LIMA1: variants seen among roughly 807,000 people sequenced by gnomAD.
LIMA1 encodes LIM domain and actin binding 1, also known as LIM domain and actin-binding protein 1.
LIMA1 carries 52 observed loss-of-function variants against 62.6 expected under a neutral mutation model. The ratio of observed to expected loss-of-function variants is 0.83; its 90% CI spans 0.67 to 1.05. The LOEUF is 1.05. Among genes scored for constraint, LIMA1 ranks in the 50% least tolerant of loss-of-function variants. LIMA1 has a pLI of 0.00. For missense variants in LIMA1, 780 were observed against 902.2 expected (o/e 0.86, Z 1.74); for synonymous variants, 302 against 317.8 (o/e 0.95, Z 0.53).
chr12:50,183,077 G>C (rs1294983897), intron 9 of LIMA1, among the ~76,000 whole-genome samples: 1 of 152,162 alleles, frequency 6.6e-6, no homozygotes, highest in Admixed American at 6.5e-5. Flanking sequence ...TGGTACACTC[G>C]TGTAATCCCA....
intron 6 of LIMA1, chr12:50,201,374 T>C (rs1304193551): frequency 1.6e-5 from 16 of 983,890 alleles, no homozygotes; most frequent in Non-Finnish European, 1.8e-5. Context: ...TGAAATTATA[T>C]TTAATGATAC....
chr12:50,263,874 T>G (rs1942106485), intron 1 of LIMA1, among the ~76,000 whole-genome samples: 1 of 127,696 alleles, frequency 7.8e-6, no homozygotes, highest in Non-Finnish European at 1.6e-5. Flanking sequence ...TATATATATA[T>G]ATAAAGTATA....
intron 2 of LIMA1, among the ~76,000 whole-genome samples, chr12:50,238,173 G>A (rs1037015514): frequency 1.3e-5 from 2 of 151,802 alleles, no homozygotes; most frequent in Non-Finnish European, 2.9e-5. Context: ...CAAAAGCACA[G>A]GCACAAAAGA....
intron 1 of LIMA1, among the ~76,000 whole-genome samples, chr12:50,268,811 G>A (rs549620931): frequency 6.6e-6 from 1 of 152,086 alleles, no homozygotes; most frequent in Non-Finnish European, 1.5e-5. Context: ...ACTTGCTCAA[G>A]GTCACAGAGC....
intron 10 of LIMA1, among the ~76,000 whole-genome samples, chr12:50,178,970 T>A (rs199984708): frequency 1.4e-3 from 214 of 148,080 alleles, no homozygotes; most frequent in African/African-American, 5.0e-3. Flanking sequence ...ATATATATTT[T>A]TTTTTTCTTT....
chr12:50,176,652 C>G lies in LIMA1; in HGVS notation c.*412G>C, dbSNP rs1443968182. The G allele has an allele frequency of 6.3e-6, 1 of 157,828 alleles. No homozygotes were observed. Among genetic ancestry groups the G allele is most frequent in the Non-Finnish European group, 1.4e-5 (1 of 71,780 alleles). 9.8% of individuals were successfully genotyped at this position (157,828 alleles called of 1,614,324 possible). On this transcript the variant is annotated 3_prime_UTR_variant, in exon 11 of 11. Transcript: ENST00000341247. ...TGTGCCCTTTATACTAAAGTGCATT[C>G]AGTCGTAATGTTTAAGCCCCTAAAT... is the stretch of plus-strand genomic sequence containing the variant.
Position 50,271,806 on chromosome 12 carries a change from T to C in LIMA1, c.-24+11614A>G, listed in dbSNP as rs144524706. Among the ~76,000 whole-genome samples the C allele has an allele frequency of 2.4e-4, 37 of 152,324 alleles. No homozygotes were observed. The East Asian group carries it at 6.6e-3, about 27-fold the overall frequency. On this transcript the variant is annotated intron_variant, in intron 1 of 10. Transcript: ENST00000341247. ...GTAGGGGCTCAATAAATATCTGTTA[T>C]ATGAATGAAAAACAGTGTTACACTA...
At chr12:50,233,001 A>T (rs1376384780) in intron 2 of LIMA1, among the ~76,000 whole-genome samples, 1 of 152,178 alleles carries the variant, frequency 6.6e-6, no homozygotes, top group East Asian at 1.9e-4. Flanking sequence ...AACCCAAAAA[A>T]ACAGTCTGCA....
chr12:50,182,081 T>G, intron 9 of LIMA1, 44 bp from the exon 10 acceptor site: 1 of 1,610,146 alleles, frequency 6.2e-7, no homozygotes, highest in Non-Finnish European at 8.5e-7. Context: ...CAGCGATGAG[T>G]TAGCACTGTC....
At chr12:50,276,085 T>TA (rs1942272928) in intron 1 of LIMA1, among the ~76,000 whole-genome samples, 2 of 152,116 alleles carry the variant, frequency 1.3e-5, no homozygotes, top group East Asian at 1.9e-4. Flanking sequence ...TTTTTTTTTT[T>TA]ATGACAACTC....
intron 10 of LIMA1, among the ~76,000 whole-genome samples, chr12:50,180,163 T>G (rs1344860568): frequency 6.6e-6 from 1 of 151,958 alleles, no homozygotes; most frequent in Non-Finnish European, 1.5e-5. Flanking sequence ...TAGCCAGGCA[T>G]GTTGCACACG....
At chr12:50,200,950 A>G in intron 6 of LIMA1, 66 bp from the exon 7 acceptor site, 1 of 1,564,864 alleles carries the variant, frequency 6.4e-7, no homozygotes, top group East Asian at 2.3e-5. Flanking sequence ...TTCATAGCAC[A>G]TCTATTAGAT....
At chr12:50,229,352 C>T (rs1239268592) in intron 3 of LIMA1, among the ~76,000 whole-genome samples, 2 of 152,150 alleles carry the variant, frequency 1.3e-5, no homozygotes, top group Non-Finnish European at 2.9e-5. Flanking sequence ...TTAGAGCCTT[C>T]TCTTCAGCCA....
intron 1 of LIMA1, among the ~76,000 whole-genome samples, chr12:50,257,184 A>G (rs1269370036): frequency 1.3e-5 from 2 of 152,142 alleles, no homozygotes; most frequent in Non-Finnish European, 2.9e-5. Flanking sequence ...TCCTTTCTAC[A>G]TTTATTAATT....
chr12:50,199,063 G>C (rs1016527841), intron 7 of LIMA1, among the ~76,000 whole-genome samples: 2 of 152,148 alleles, frequency 1.3e-5, no homozygotes, highest in Non-Finnish European at 2.9e-5. Flanking sequence ...AAGCACGGTG[G>C]CTTACAGCTG....
chr12:50,204,575 G>A lies in LIMA1; in HGVS notation c.841C>T (p.Gln281Ter). Residue 281 changes from glutamine to a stop codon, truncating the protein, a stop_gained, in exon 6 of 11, where the codon CAA (glutamine) becomes TAA (stop). Coordinates refer to ENST00000341247, the MANE Select transcript of LIMA1 (RefSeq NM_016357.5). LOFTEE classifies it high-confidence loss of function. ...MAKYQAAVSK[Q>*]SSSTNYTNEL... ...ACTGTATAGTTGGTTGAGCTGCTTT[G>A]TTTGGACACAGCTGCCTGGTACTTG... The A allele has an allele frequency of 6.2e-7, 1 of 1,614,160 alleles. No homozygotes were observed. The highest frequency in any genetic ancestry group is 1.1e-5 in the South Asian group (1 of 91,084).
intron 6 of LIMA1, 135 bp downstream of exon 6, chr12:50,204,417 T>C: frequency 2.0e-6 from 2 of 1,001,298 alleles, no homozygotes; most frequent in South Asian, 4.2e-5. Flanking sequence ...GAGGGTAGGG[T>C]TCATGTGAAA....
chr12:50,180,925 ACATGGTGAAACC>A (rs1435231658), intron 10 of LIMA1, among the ~76,000 whole-genome samples: 3 of 151,884 alleles, frequency 2.0e-5, no homozygotes, highest in African/African-American at 7.3e-5. Flanking sequence ...ATCCTGGCTA[ACATGGTGAAACC>A]CCTTCTCTAC....
At chr12:50,237,399 G>T (rs1941711090) in intron 2 of LIMA1, among the ~76,000 whole-genome samples, 1 of 152,308 alleles carries the variant, frequency 6.6e-6, no homozygotes, top group Non-Finnish European at 1.5e-5. Flanking sequence ...CACTTTGGGA[G>T]GCCAAGGCGG....
Sources: gnomAD v4.1 joint callset for allele counts (sites outside exome capture counted in the v4.1 genomes callset) on GRCh38, gnomAD v4.1.1 for gene constraint, MANE v1.5 for transcripts, NCBI Gene and HGNC (gene_info 2026-07-23, HGNC 2026-07-21) for gene names.